APOH: variants seen among roughly 807,000 people sequenced by gnomAD.
APOH encodes the protein beta-2-glycoprotein 1.
APOH carries 48 observed loss-of-function variants against 39.8 expected under a neutral mutation model. The observed-to-expected ratio is 1.21, with a 90% CI of 0.96 to 1.54. The LOEUF (loss-of-function observed/expected upper bound fraction) is 1.54, where lower values mean the gene tolerates loss of function less well. Among genes scored for constraint, APOH ranks in the 40% most tolerant of loss-of-function variants. The probability of loss-of-function intolerance (pLI) is 0.00; values close to 1 mark genes in which losing one functional copy is unlikely to be tolerated. For missense variants in APOH, 415 were observed against 421.2 expected, an observed-to-expected ratio of 0.99 and a Z score of 0.13; for synonymous variants, 153 against 151.1, an observed-to-expected ratio of 1.01 and a Z score of -0.09.
intron 4 of APOH, 48 bp from the exon 5 acceptor site, chr17:66,220,790 T>C: frequency 6.6e-7 from 1 of 1,503,916 alleles, no homozygotes; most frequent in Non-Finnish European, 9.0e-7. Context: ...TTAAGGCTTT[T>C]AAATATACTC....
At position 66,220,627 on chromosome 17, in the gene APOH, T is replaced by C. The variant is rs1297147607; in HGVS notation, c.531A>G (p.Gln177=). The C allele has an allele frequency of 1.9e-6, 3 of 1,614,090 alleles. No individual in the cohort carries two copies. Among genetic ancestry groups the C allele is most frequent in the Non-Finnish European group, 2.5e-6 (3 of 1,180,034 alleles). ...RDTAVFECLP[Q]HAMFGNDTIT... ...TTGTATCATTTCCAAACATCGCATG[T>C]TGTGGCAAACATTCAAAAACTGCTG... Residue 177 remains glutamine (Q), a synonymous_variant, in exon 5 of 8, where the codon CAA becomes CAG. Coordinates refer to ENST00000205948, the MANE Select transcript of APOH (RefSeq NM_000042.3).
At position 66,220,757 on chromosome 17, in the gene APOH, A is replaced by C. The variant is rs1320043379; in HGVS notation, c.416-15T>G. The C allele has an allele frequency of 6.3e-7, 1 of 1,592,782 alleles. No individual in the cohort carries two copies. The highest frequency in any genetic ancestry group is 8.6e-7 in the Non-Finnish European group (1 of 1,165,364). ...GCAGATGATGGCTGGGAAAATAAAG[A>C]ACTATCATTTCTATGAAAATAGTTA... On this transcript the variant is annotated splice_polypyrimidine_tract_variant and intron_variant, in intron 4 of 7. Transcript: ENST00000205948.
chr17:66,212,534 G>A (rs752009621), intron 7 of APOH, among the ~76,000 whole-genome samples: 25 of 152,104 alleles, frequency 1.6e-4, no homozygotes, highest in Non-Finnish European at 3.1e-4. Context: ...ACAGGCACGT[G>A]CCACCATGCC....
At position 66,228,015 on chromosome 17, in the gene APOH, C is replaced by A. The variant is rs769065830; in HGVS notation, c.241+5G>T. On this transcript the variant is annotated splice_donor_5th_base_variant and intron_variant, in intron 2 of 7. Coordinates refer to ENST00000205948, the MANE Select transcript of APOH (RefSeq NM_000042.3). ...AAGAGAATGTGAGAGAAGGTACTGA[C>A]TTACGTGTACATTTCAGAGTGTTGA... 6.2e-7 allele frequency: 1 copy of A among 1,611,172 alleles called. No homozygotes were observed.
intron 7 of APOH, 44 bp downstream of exon 7, chr17:66,214,409 C>A (rs776353722): frequency 1.3e-6 from 2 of 1,544,126 alleles, no homozygotes; most frequent in Non-Finnish European, 1.8e-6. Context: ...ATTATGATGA[C>A]GGGCAAGTGG....
intron 1 of APOH, among the ~76,000 whole-genome samples, 191 bp downstream of exon 1, chr17:66,229,125 C>T (rs575739627): frequency 5.9e-5 from 9 of 152,102 alleles, no homozygotes; most frequent in East Asian, 5.8e-4. Flanking sequence ...TTCATAAAGA[C>T]GGGGTTTCAC....
At chr17:66,221,660 G>C (rs1388218091) in intron 4 of APOH, among the ~76,000 whole-genome samples, 1 of 152,100 alleles carries the variant, frequency 6.6e-6, no homozygotes, top group Non-Finnish European at 1.5e-5. Flanking sequence ...TTGGGAATGA[G>C]TTCCATTACC....
chr17:66,229,217 G>T (rs2073459462), intron 1 of APOH, 99 bp downstream of exon 1: 1 of 964,224 alleles, frequency 1.0e-6, no homozygotes, highest in Admixed American at 2.2e-5. Context: ...GATTACAGAT[G>T]TGAGCAAGCA....
intron 5 of APOH, among the ~76,000 whole-genome samples, chr17:66,219,026 T>A (rs193031689): frequency 1.3e-5 from 2 of 151,832 alleles, no homozygotes; most frequent in East Asian, 3.9e-4. Flanking sequence ...ATAATAATAA[T>A]TATTATTATA....
At chr17:66,216,567 T>C (rs960890214) in intron 6 of APOH, among the ~76,000 whole-genome samples, 1 of 151,996 alleles carries the variant, frequency 6.6e-6, no homozygotes, top group Non-Finnish European at 1.5e-5. Flanking sequence ...ATATCACCAA[T>C]GCTTACAAAG....
chr17:66,223,250 C>A (rs1371187832), intron 4 of APOH, among the ~76,000 whole-genome samples: 1 of 152,210 alleles, frequency 6.6e-6, no homozygotes, highest in Non-Finnish European at 1.5e-5. Flanking sequence ...TACAGTAGAT[C>A]CTCAATTCAT....
chr17:66,221,396 G>GAAGA (rs1470328618), intron 4 of APOH, among the ~76,000 whole-genome samples: 1 of 71,142 alleles, frequency 1.4e-5, no homozygotes, highest in Non-Finnish European at 2.5e-5. Flanking sequence ...AGGAAGGAAG[G>GAAGA]AAGGAAGGAA....
At chr17:66,217,688 C>T (rs920319068) in intron 5 of APOH, among the ~76,000 whole-genome samples, 5 of 152,108 alleles carry the variant, frequency 3.3e-5, no homozygotes, top group Admixed American at 6.5e-5. Context: ...CAGTGGCTCA[C>T]TTCGGTCATC....
In APOH at chr17:66,225,533, T is replaced by C. The variant is rs140492732; in HGVS notation, c.338+495A>G. 3.3e-5 allele frequency among the ~76,000 whole-genome samples: 5 copies of C among 152,344 alleles called. No homozygotes were observed. In the East Asian group the frequency reaches 7.7e-4, roughly 24 times the overall value. ...TCCAAGATTTGGCCCAGAGATCATATGGAATTATCATCCAGGTTCAATCAT... is the reference window on the plus strand; with the variant it reads ...TCCAAGATTTGGCCCAGAGATCATACGGAATTATCATCCAGGTTCAATCAT... On this transcript the variant is annotated intron_variant, in intron 3 of 7. Transcript: ENST00000205948.
chr17:66,226,590 TG>T (rs2073441039), intron 2 of APOH, among the ~76,000 whole-genome samples: 1 of 146,770 alleles, frequency 6.8e-6, no homozygotes. Context: ...ATGGCACCAC[TG>T]CACTGGGCAA....
Position 66,220,746 on chromosome 17 carries a change from G to C in APOH, c.416-4C>G. ...GATGGTGGAGGGCAGATGATGGCTGGGAAAATAAAGAACTATCATTTCTAT... is the reference window on the plus strand; with the variant it reads ...GATGGTGGAGGGCAGATGATGGCTGCGAAAATAAAGAACTATCATTTCTAT... On this transcript the variant is annotated splice_polypyrimidine_tract_variant and splice_region_variant and intron_variant, in intron 4 of 7. Coordinates refer to ENST00000205948, the MANE Select transcript of APOH (RefSeq NM_000042.3). 1 of 1,598,628 alleles carries C rather than the reference G, an allele frequency of 6.3e-7. No individual in the cohort carries two copies. Among genetic ancestry groups the C allele is most frequent in the Non-Finnish European group, 8.6e-7 (1 of 1,168,920 alleles).
chr17:66,226,182 G>T, intron 2 of APOH, 58 bp from the exon 3 acceptor site: 1 of 1,202,514 alleles, frequency 8.3e-7, no homozygotes, highest in East Asian at 2.5e-5. Flanking sequence ...AACATAAACA[G>T]GTAAATTTCT....
chr17:66,222,969 C>T (rs1183262106), intron 4 of APOH, among the ~76,000 whole-genome samples: 4 of 152,136 alleles, frequency 2.6e-5, no homozygotes, highest in African/African-American at 9.7e-5. Context: ...GTATAAATCA[C>T]AAGTTGGGGA....
chr17:66,215,250 G>C (rs2073358007), intron 6 of APOH, among the ~76,000 whole-genome samples: 1 of 152,188 alleles, frequency 6.6e-6, no homozygotes, highest in African/African-American at 2.4e-5. Context: ...CTCCCAGTGG[G>C]ATCAAACTGA....
Sources: allele counts gnomAD v4.1 joint callset (sites outside exome capture counted in the v4.1 genomes callset), GRCh38; gene constraint gnomAD v4.1.1; transcripts MANE v1.5; gene names NCBI Gene and HGNC (gene_info 2026-07-23, HGNC 2026-07-21).